The following BDH1 variants were observed in gnomAD, a reference collection of about 807,000 sequenced individuals.
The protein encoded by BDH1 is D-beta-hydroxybutyrate dehydrogenase, mitochondrial.
BDH1 carries 30 observed loss-of-function variants against 33.1 expected under a neutral mutation model. That is an observed-to-expected ratio of 0.91 (90% confidence interval 0.68 to 1.23). The LOEUF (loss-of-function observed/expected upper bound fraction) is 1.23. BDH1 is among the 50% of genes most tolerant of loss of function. BDH1 has a pLI of 0.00. For missense variants in BDH1, 443 were observed against 464.4 expected (o/e 0.95, Z 0.42); for synonymous variants, 190 against 183.6 (o/e 1.03, Z -0.28).
In BDH1 at chr3:197,510,684, G is replaced by GTGTGGGTGT. The variant is rs1560296905; in HGVS notation, c.*1210_*1211insACACCCACA. ...TGTGTGTGTGTGTACATGTGTGTAA[G>GTGTGGGTGT]GTGTGTGTGTGTGTGTGTGTGTGTG... On this transcript the variant is annotated 3_prime_UTR_variant, in exon 8 of 8. Coordinates refer to ENST00000392379, the MANE Select transcript of BDH1 (RefSeq NM_203314.3). 1 of 58,708 alleles carries GTGTGGGTGT rather than the reference G, an allele frequency of 1.7e-5. No individual in the cohort carries two copies. The highest frequency in any genetic ancestry group is 3.3e-5 in the Non-Finnish European group (1 of 30,106). The allele number at this position is 58,708 out of a possible 1,614,324, so 3.6% of individuals were successfully genotyped here.
chr3:197,536,454 G>C (rs1715161456), intron 3 of BDH1, among the ~76,000 whole-genome samples: 1 of 152,142 alleles, frequency 6.6e-6, no homozygotes, highest in Admixed American at 6.5e-5. Context: ...TCTTTACTTT[G>C]TTGAGTCTTC....
chr3:197,512,522 G>A lies in BDH1; in HGVS notation c.563-158C>T, dbSNP rs1712184106. ...AAGGCCAGCTCAGGCCCACGCATCA[G>A]CATCGGCACCCCTGGTCTTCCCTGG... On this transcript the variant is annotated intron_variant, in intron 7 of 7. Transcript: ENST00000392379. Among the ~76,000 whole-genome samples the A allele has an allele frequency of 2.0e-5, 3 of 152,244 alleles. No homozygotes were observed. In the South Asian group the frequency reaches 6.2e-4, roughly 31 times the overall value.
chr3:197,562,152 G>T (rs1195271126), intron 1 of BDH1, among the ~76,000 whole-genome samples: 1 of 152,186 alleles, frequency 6.6e-6, no homozygotes, highest in Non-Finnish European at 1.5e-5. Context: ...GCATGTAATG[G>T]CAGACGAGAA....
chr3:197,543,867 T>C (rs1715867211), intron 3 of BDH1, among the ~76,000 whole-genome samples: 1 of 152,068 alleles, frequency 6.6e-6, no homozygotes, highest in South Asian at 2.1e-4. Flanking sequence ...GAGAAGGGAA[T>C]AACTCGCTCA....
chr3:197,564,563 G>T (rs1406984085), intron 1 of BDH1, among the ~76,000 whole-genome samples: 1 of 152,136 alleles, frequency 6.6e-6, no homozygotes, highest in Non-Finnish European at 1.5e-5. Context: ...AGTCTCGGTA[G>T]AAAATGCCAA....
chr3:197,543,253 A>G (rs919638691), intron 3 of BDH1: 2 of 895,932 alleles, frequency 2.2e-6, no homozygotes, highest in African/African-American at 3.6e-5. Context: ...TCTGTGAAAA[A>G]AATTTAGCCT....
chr3:197,562,312 C>G (rs977575453), intron 1 of BDH1, among the ~76,000 whole-genome samples: 2 of 152,172 alleles, frequency 1.3e-5, no homozygotes, highest in Admixed American at 6.5e-5. Context: ...ATTGCTTTTT[C>G]TCCCATAATT....
intron 2 of BDH1, among the ~76,000 whole-genome samples, chr3:197,547,472 A>C (rs1716179939): frequency 6.6e-6 from 1 of 152,258 alleles, no homozygotes; most frequent in South Asian, 2.1e-4. Context: ...TTAACTGAGC[A>C]ACCACTGCCA....
rs148547814 is a variant in BDH1 at position 197,545,457 on chromosome 3, C to T, written c.83+904G>A. 1.4e-4 allele frequency among the ~76,000 whole-genome samples: 22 copies of T among 152,342 alleles called. No individual in the cohort carries two copies. The East Asian group carries it at 3.7e-3, about 25-fold the overall frequency. ...AAAAGCACCGCTTCACTGCCGCAGG[C>T]GTCTTGCCACACAAACCCAAACTGA... On this transcript the variant is annotated intron_variant, in intron 3 of 7. Coordinates refer to ENST00000392379, the MANE Select transcript of BDH1 (RefSeq NM_203314.3).
chr3:197,559,769 C>T (rs998749586), upstream of BDH1, among the ~76,000 whole-genome samples: 2 of 152,262 alleles, frequency 1.3e-5, no homozygotes, highest in Non-Finnish European at 2.9e-5. Flanking sequence ...GAGAAAGGGC[C>T]AACTGAGGAG....
intron 2 of BDH1, among the ~76,000 whole-genome samples, chr3:197,549,987 T>TATATATATATATATATATATATATATA (rs1407118020): frequency 4.7e-4 from 57 of 121,090 alleles, no homozygotes; most frequent in African/African-American, 2.0e-3. Context: ...ATATATATAT[T>TATATATATATATATATATATATATATA]TGGCCATTCC....
rs1016481674 is a variant in BDH1 at position 197,523,450 on chromosome 3, A to G, written c.268-669T>C. The stretch of plus-strand genomic sequence containing the variant: ...TTTTTTCTGGCTGTAAAACAGGAAC[A>G]TCACCACCTGTCCTGACCTGCTCAG... On this transcript the variant is annotated intron_variant, in intron 5 of 7. Coordinates refer to ENST00000392379, the MANE Select transcript of BDH1 (RefSeq NM_203314.3). The surrounding 1 kb of genome is among the most constrained non-coding windows in gnomAD (Gnocchi z 4.5). Among the ~76,000 whole-genome samples, 1 of 152,208 alleles carries G rather than the reference A, an allele frequency of 6.6e-6. No homozygotes were observed. The highest frequency in any genetic ancestry group is 1.5e-5 in the Non-Finnish European group (1 of 68,040).
chr3:197,543,349 G>A (rs1715816074), intron 3 of BDH1: 1 of 246,912 alleles, frequency 4.1e-6, no homozygotes, highest in Non-Finnish European at 6.5e-6. Flanking sequence ...TAGGATAGGG[G>A]AGGCAAGAGC....
At chr3:197,533,283 C>T (rs753266524) in intron 4 of BDH1, among the ~76,000 whole-genome samples, 22 of 152,256 alleles carry the variant, frequency 1.4e-4, no homozygotes, top group Middle Eastern at 3.4e-3. Flanking sequence ...GGCTGGAGTG[C>T]CTCATTACTG....
rs541596167 is a variant in BDH1, at chr3:197,546,785, G to A, written c.-43-299C>T. 1.1e-4 allele frequency among the ~76,000 whole-genome samples: 16 copies of A among 152,308 alleles called. No individual in the cohort carries two copies. The South Asian group carries it at 2.7e-3, about 26-fold the overall frequency. ...TTCATAATGTGAGCAGGTTGGCCCA[G>A]ATCAGTGATCCTCAAACCCGCCAAC... On this transcript the variant is annotated intron_variant, in intron 2 of 7. Transcript: ENST00000392379.
chr3:197,552,775 A>C (rs894895254), intron 2 of BDH1, among the ~76,000 whole-genome samples: 1 of 152,014 alleles, frequency 6.6e-6, no homozygotes, highest in Admixed American at 6.6e-5. Flanking sequence ...AGCATTCTAC[A>C]TGTTGTACAT....
At chr3:197,567,719 A>C (rs1240575104) in intron 1 of BDH1, among the ~76,000 whole-genome samples, 4 of 152,122 alleles carry the variant, frequency 2.6e-5, no homozygotes, top group Non-Finnish European at 5.9e-5. Flanking sequence ...TTGGGGGTTC[A>C]TGGAGGGAAA....
At chr3:197,530,863 G>A (rs974729657) in intron 5 of BDH1, 3 of 152,648 alleles carry the variant, frequency 2.0e-5, no homozygotes, top group Non-Finnish European at 2.9e-5. Context: ...TGTAACATGG[G>A]GAAAAATGAA....
intron 5 of BDH1, among the ~76,000 whole-genome samples, chr3:197,531,898 G>T (rs1280362935): frequency 3.3e-5 from 5 of 152,062 alleles, no homozygotes; most frequent in Non-Finnish European, 5.9e-5. Flanking sequence ...CTCTGCCCAG[G>T]CTATTCCTCC....
Sources: allele counts gnomAD v4.1 joint callset (sites outside exome capture counted in the v4.1 genomes callset), GRCh38; gene constraint gnomAD v4.1.1; non-coding constraint Gnocchi (gnomAD v3.1); transcripts MANE v1.5; gene names NCBI Gene and HGNC (gene_info 2026-07-23, HGNC 2026-07-21).